Variants in RASGEF1A observed in about 807,000 individuals in gnomAD.
RASGEF1A encodes the protein ras-GEF domain-containing family member 1A.
A neutral mutation model predicts 56.4 loss-of-function variants in RASGEF1A; 18 were observed. That is an observed-to-expected ratio of 0.32 (90% CI 0.22 to 0.47). The LOEUF (loss-of-function observed/expected upper bound fraction) is 0.47, where lower values mean the gene tolerates loss of function less well. Among genes scored for constraint, RASGEF1A ranks in the 20% least tolerant of loss-of-function variants. RASGEF1A has a pLI of 1.00. For missense variants in RASGEF1A, 422 were observed against 627.1 expected (o/e 0.67, Z 3.49); for synonymous variants, 245 against 242.6 (o/e 1.01, Z -0.09).
At position 43,196,381 on chromosome 10, in the gene RASGEF1A, A is replaced by C; in HGVS notation, c.1421+95T>G. 1 of 1,551,670 alleles carries C rather than the reference A, an allele frequency of 6.4e-7. No homozygotes were observed. The highest frequency in any genetic ancestry group is 1.7e-5 in the Admixed American group (1 of 59,724). ...AGGGACCCTGGACCAGGGACGCGGCAGTGCCCAGGCTCCCTTTCCAGGAGG... is the reference window on the plus strand; with the variant it reads ...AGGGACCCTGGACCAGGGACGCGGCCGTGCCCAGGCTCCCTTTCCAGGAGG... On this transcript the variant is annotated intron_variant, in intron 12 of 12. Transcript: ENST00000395810. The surrounding 1 kb of genome is among the most constrained non-coding windows in gnomAD (Gnocchi z 4.6).
At chr10:43,248,627 G>A (rs772616379) in intron 1 of RASGEF1A, among the ~76,000 whole-genome samples, 1 of 152,180 alleles carries the variant, frequency 6.6e-6, no homozygotes, top group Non-Finnish European at 1.5e-5. Flanking sequence ...TGTTCATTAT[G>A]AATGACAGTG....
In RASGEF1A at chr10:43,260,512, G is replaced by C. The variant is rs528416368; in HGVS notation, c.-7+6333C>G. Among the ~76,000 whole-genome samples the C allele has an allele frequency of 1.4e-4, 22 of 152,356 alleles. No homozygotes were observed. In the East Asian group the frequency reaches 4.2e-3, roughly 29 times the overall value. On this transcript the variant is annotated intron_variant, in intron 1 of 12. Transcript: ENST00000395810. Reference sequence around the variant, plus strand: ...CAACCCTGGGTGCTATGGCAGGCCAGAGAGCCACTGTGGAACCCTGGTCCC... The same window carrying C: ...CAACCCTGGGTGCTATGGCAGGCCACAGAGCCACTGTGGAACCCTGGTCCC...
At chr10:43,204,892 C>T (rs1163276507) in intron 2 of RASGEF1A, among the ~76,000 whole-genome samples, 1 of 152,354 alleles carries the variant, frequency 6.6e-6, no homozygotes, top group African/African-American at 2.4e-5. Flanking sequence ...GGGCCCCTCC[C>T]CTGGCTCTGC....
In RASGEF1A at chr10:43,198,063, T is replaced by C; in HGVS notation, c.1165A>G (p.Ile389Val). ...GTATGGATTTTGTGCAGGAAGTAGATGTCCTTAACGAAGAGGTTGAACACA... is the reference window on the plus strand; with the variant it reads ...GTATGGATTTTGTGCAGGAAGTAGACGTCCTTAACGAAGAGGTTGAACACA... The part of the protein sequence containing the change: ...IPVFNLFVKD[I>V]YFLHKIHTNH... The change falls in exon 10 of 13, where the codon ATC becomes GTC. Residue 389 changes from isoleucine to valine, a missense_variant. Physicochemically the swap from Ile to Val is conservative, Grantham distance 29. Around this residue, in one of 2 missense-constraint regions of RASGEF1A, gnomAD observed 149 missense variants for 287.2 expected, o/e 0.52. Transcript: ENST00000395810. 1.9e-6 allele frequency: 3 copies of C among 1,614,156 alleles called. No individual in the cohort carries two copies. Among genetic ancestry groups the C allele is most frequent in the Non-Finnish European group, 2.5e-6 (3 of 1,179,978 alleles).
chr10:43,259,573 G>A (rs1836489829), intron 1 of RASGEF1A, among the ~76,000 whole-genome samples: 1 of 152,178 alleles, frequency 6.6e-6, no homozygotes, highest in South Asian at 2.1e-4. Flanking sequence ...CCTGCATGGT[G>A]CTTGTCCTTC....
intron 1 of RASGEF1A, among the ~76,000 whole-genome samples, chr10:43,259,623 C>T (rs1168988836): frequency 6.6e-6 from 1 of 152,196 alleles, no homozygotes; most frequent in African/African-American, 2.4e-5. Flanking sequence ...TCTCTAAACC[C>T]CTTCTATCAG....
chr10:43,220,735 A>C (rs1453381007), intron 1 of RASGEF1A, among the ~76,000 whole-genome samples: 1 of 151,166 alleles, frequency 6.6e-6, no homozygotes, highest in Non-Finnish European at 1.5e-5. Context: ...CAGTGAGCTG[A>C]GATCACGCCA....
intron 1 of RASGEF1A, among the ~76,000 whole-genome samples, chr10:43,253,248 C>T (rs1481716047): frequency 6.6e-6 from 1 of 152,234 alleles, no homozygotes; most frequent in Non-Finnish European, 1.5e-5. Context: ...CCAAACTACC[C>T]CGTGTGTGGA....
chr10:43,266,623 G>T (rs1251456854), intron 1 of RASGEF1A, among the ~76,000 whole-genome samples: 2 of 148,990 alleles, frequency 1.3e-5, no homozygotes, highest in African/African-American at 4.9e-5. Context: ...TCCAGCCCGG[G>T]GCGGAGTTCT....
intron 1 of RASGEF1A, among the ~76,000 whole-genome samples, chr10:43,243,046 A>G (rs2090745): frequency 0.77 from 112,709 of 146,880 alleles, 42,953 homozygotes; most frequent in East Asian, 0.95. Flanking sequence ...GGGAAGTGAG[A>G]AGTGCCTCTG....
intron 1 of RASGEF1A, among the ~76,000 whole-genome samples, chr10:43,237,087 G>T (rs566123325): frequency 2.6e-5 from 4 of 152,246 alleles, no homozygotes; most frequent in Admixed American, 6.5e-5. Flanking sequence ...AGGGTCTTGG[G>T]ACCAGGCTAA....
rs74509719 is a variant in RASGEF1A, at chr10:43,206,030, G to C, written c.87C>G (p.Gly29=). 1.8e-5 allele frequency: 29 copies of C among 1,610,128 alleles called. No homozygotes were observed. Among genetic ancestry groups the C allele is most frequent in the Middle Eastern group, 1.6e-4 (1 of 6,074 alleles). ...GGTCCCCGGAGCCGCCACCGGCCCC[G>C]CCTCCACGCTCCCCCATGCCAGGCT... ...QVQPGMGERG[G]GAGGGSGDLI... Residue 29 remains glycine (G), a synonymous_variant, in exon 2 of 13, where the codon GGC becomes GGG. Transcript: ENST00000395810.
rs116940012 is a variant in RASGEF1A, at chr10:43,263,994, C to G, written c.-7+2851G>C. On this transcript the variant is annotated intron_variant, in intron 1 of 12. Coordinates refer to ENST00000395810, the MANE Select transcript of RASGEF1A (RefSeq NM_145313.4). ...CCCTCACAGCCCTCTGTCATGGTGC[C>G]TGGAGCAGCCTCTACCAGCCTGTCC... Among the ~76,000 whole-genome samples the G allele has an allele frequency of 4.0e-3, 605 of 152,194 alleles. 11 individuals carry two copies. In the East Asian group the frequency reaches 0.059, roughly 15 times the overall value.
intron 1 of RASGEF1A, among the ~76,000 whole-genome samples, chr10:43,241,689 C>A (rs1248519188): frequency 6.6e-6 from 1 of 151,684 alleles, no homozygotes; most frequent in Admixed American, 6.6e-5. Flanking sequence ...AAACAAATAG[C>A]AAATCCTACC....
At chr10:43,237,690 G>A (rs1188309703) in intron 1 of RASGEF1A, among the ~76,000 whole-genome samples, 2 of 152,086 alleles carry the variant, frequency 1.3e-5, no homozygotes, top group Non-Finnish European at 2.9e-5. Flanking sequence ...CCAAGCCCAG[G>A]CCTGAACGCA....
In RASGEF1A at chr10:43,198,128, G is replaced by A; in HGVS notation, c.1100C>T (p.Ser367Phe). Reference protein sequence around the residue: ...RTALQGATQRSQMANSSREKI... With the variant: ...RTALQGATQRFQMANSSREKI... Reference sequence around the variant, plus strand: ...TTCACGGCTGCTGTTGGCCATCTGGGACCTCTGCGTGGCCCCCTGCAGGGC... The same window carrying A: ...TTCACGGCTGCTGTTGGCCATCTGGAACCTCTGCGTGGCCCCCTGCAGGGC... Residue 367 changes from serine (S) to phenylalanine (F), a missense_variant, in exon 10 of 13, where the codon TCC becomes TTC. By Grantham distance (155) the Ser-to-Phe change is radical. Around this residue, in one of 2 missense-constraint regions of RASGEF1A, gnomAD observed 149 missense variants for 287.2 expected, o/e 0.52. Coordinates refer to ENST00000395810, the MANE Select transcript of RASGEF1A (RefSeq NM_145313.4). The A allele has an allele frequency of 6.2e-7, 1 of 1,614,196 alleles. No homozygotes were observed. Among genetic ancestry groups the A allele is most frequent in the Non-Finnish European group, 8.5e-7 (1 of 1,180,004 alleles).
At chr10:43,264,602 A>G (rs1836591220) in intron 1 of RASGEF1A, among the ~76,000 whole-genome samples, 1 of 150,326 alleles carries the variant, frequency 6.7e-6, no homozygotes, top group African/African-American at 2.4e-5. Context: ...ACAGAAAAGC[A>G]GCCAGAGTGC....
intron 1 of RASGEF1A, among the ~76,000 whole-genome samples, chr10:43,218,705 A>G (rs1400072388): frequency 6.6e-6 from 1 of 152,262 alleles, no homozygotes; most frequent in African/African-American, 2.4e-5. Context: ...TGGCCAGGGC[A>G]GTCTCAGGGC....
intron 3 of RASGEF1A, 28 bp downstream of exon 3, chr10:43,203,270 C>T (rs756261512): frequency 1.9e-5 from 29 of 1,544,958 alleles, no homozygotes; most frequent in Non-Finnish European, 2.4e-5. Context: ...CCTGCCCCCG[C>T]CCGTGCCCCA....
Sources: allele counts gnomAD v4.1 joint callset (sites outside exome capture counted in the v4.1 genomes callset), GRCh38; gene constraint gnomAD v4.1.1; regional missense constraint gnomAD v4.1.1; non-coding constraint Gnocchi (gnomAD v3.1); transcripts MANE v1.5; gene names NCBI Gene and HGNC (gene_info 2026-07-23, HGNC 2026-07-21).